KCNK5: variants seen among roughly 807,000 people sequenced by gnomAD.
The protein encoded by KCNK5 is potassium two pore domain channel subfamily K member 5.
Under a neutral mutation model 32.9 loss-of-function variants are expected in KCNK5, and 18 were observed. The ratio of observed to expected loss-of-function variants is 0.55; its 90% confidence interval spans 0.38 to 0.81. The LOEUF (loss-of-function observed/expected upper bound fraction) is 0.81. Among genes scored for constraint, KCNK5 ranks in the 30% least tolerant of loss-of-function variants. The pLI is 0.00. For missense variants in KCNK5, 507 were observed against 651.0 expected (o/e 0.78, Z 2.41); for synonymous variants, 276 against 275.3 (o/e 1.00, Z -0.03).
At position 39,229,435 on chromosome 6, in the gene KCNK5, T is replaced by G; in HGVS notation, c.-324A>C. The G allele has an allele frequency of 3.4e-6, 1 of 290,492 alleles. No individual in the cohort carries two copies. Among genetic ancestry groups the G allele is most frequent in the Non-Finnish European group, 6.6e-6 (1 of 152,502 alleles). The allele number at this position is 290,492 out of a possible 1,614,324, so 18.0% of individuals were successfully genotyped here. On this transcript the variant is annotated 5_prime_UTR_variant, in exon 1 of 5. Coordinates refer to ENST00000359534, the MANE Select transcript of KCNK5 (RefSeq NM_003740.4). Reference sequence around the variant, plus strand: ...GACTCTGGGCAGACACGTGGGCCGCTTCTCCACGCGTCGCTCCTCCGCGCG... The same window carrying G: ...GACTCTGGGCAGACACGTGGGCCGCGTCTCCACGCGTCGCTCCTCCGCGCG...
intron 1 of KCNK5, among the ~76,000 whole-genome samples, chr6:39,227,052 G>A (rs548626857): frequency 6.4e-4 from 97 of 152,110 alleles, no homozygotes; most frequent in African/African-American, 2.2e-3. Context: ...TTAAGAAGCC[G>A]TCTAGCCTCC....
rs1005810417 is a variant in KCNK5, at chr6:39,224,788, C to A, written c.186+4138G>T. Among the ~76,000 whole-genome samples the A allele has an allele frequency of 2.6e-5, 4 of 152,196 alleles. No individual in the cohort carries two copies. The East Asian group carries it at 5.8e-4, about 22-fold the overall frequency. ...TCAGGAGACAAGGGACTCTCTAGAG[C>A]CACAGCAAGAAACCTGCAGTCTGCC... is the stretch of plus-strand genomic sequence containing the variant. On this transcript the variant is annotated intron_variant, in intron 1 of 4. Coordinates refer to ENST00000359534, the MANE Select transcript of KCNK5 (RefSeq NM_003740.4).
In KCNK5 at chr6:39,189,909, C is replaced by T. The variant is rs145386631; in HGVS notation, c.*981G>A. The T allele has an allele frequency of 2.5e-4, 38 of 152,648 alleles. 1 individual carries two copies. Among genetic ancestry groups the T allele is most frequent in the Middle Eastern group, 3.3e-3 (1 of 300 alleles). The allele number at this position is 152,648 out of a possible 1,614,324, so 9.5% of individuals were successfully genotyped here. A position where few individuals can be genotyped will look rare whatever the true frequency, so the allele number is the denominator to read the frequency against. Reference sequence around the variant, plus strand: ...CAAGGGGGCTGGTGGGAGGGGAAGGCGGGCAGTGAGGTCCTTGTTCAGGGC... The same window carrying T: ...CAAGGGGGCTGGTGGGAGGGGAAGGTGGGCAGTGAGGTCCTTGTTCAGGGC... On this transcript the variant is annotated 3_prime_UTR_variant, in exon 5 of 5. Coordinates refer to ENST00000359534, the MANE Select transcript of KCNK5 (RefSeq NM_003740.4).
chr6:39,211,495 G>C (rs11970295), intron 1 of KCNK5, among the ~76,000 whole-genome samples: 6,347 of 152,234 alleles, frequency 0.042, 305 homozygotes, highest in African/African-American at 0.12. Flanking sequence ...GCAGAGGGAG[G>C]CCAGATGTGG....
intron 1 of KCNK5, among the ~76,000 whole-genome samples, chr6:39,223,818 G>T (rs547866328): frequency 1.3e-5 from 2 of 152,126 alleles, no homozygotes; most frequent in Admixed American, 1.3e-4. Flanking sequence ...CCAAAACCGG[G>T]GGATTTTGTT....
chr6:39,196,084 G>T (rs1023146497), intron 1 of KCNK5, 97 bp from the exon 2 acceptor site: 2 of 737,890 alleles, frequency 2.7e-6, no homozygotes, highest in Non-Finnish European at 4.3e-6. Flanking sequence ...TTTTCATTTA[G>T]TCATCACAAG....
In KCNK5 at chr6:39,191,869, G is replaced by A; in HGVS notation, c.635-114C>T. On this transcript the variant is annotated intron_variant, in intron 4 of 4. Transcript: ENST00000359534. The surrounding 1 kb of genome is among the most constrained non-coding windows in gnomAD (Gnocchi z 5.8). ...TCAGGCCAGAGCACAGGACGGGGGT[G>A]CAGTGGGATAGAAAGGGGCCTGTTC... The A allele has an allele frequency of 8.7e-7, 1 of 1,143,278 alleles. No individual in the cohort carries two copies. Among genetic ancestry groups the A allele is most frequent in the South Asian group, 1.5e-5 (1 of 66,628 alleles). 70.8% of individuals were successfully genotyped at this position (1,143,278 alleles called of 1,614,324 possible).
chr6:39,205,836 T>C (rs1398465921), intron 1 of KCNK5, among the ~76,000 whole-genome samples: 1 of 152,172 alleles, frequency 6.6e-6, no homozygotes, highest in Non-Finnish European at 1.5e-5. Flanking sequence ...CCCAAGCCCC[T>C]GCACTTGGAT....
In KCNK5 at chr6:39,221,277, G is replaced by A. The variant is rs185549317; in HGVS notation, c.186+7649C>T. On this transcript the variant is annotated intron_variant, in intron 1 of 4. Transcript: ENST00000359534. The stretch of plus-strand genomic sequence containing the variant: ...ACAGCCTGTGGCCCCCACAGCCTGT[G>A]GCCAAGTAAGTGCTTGTAACTATTG... Among the ~76,000 whole-genome samples the A allele has an allele frequency of 4.6e-4, 70 of 152,258 alleles. 1 individual carries two copies. Among genetic ancestry groups the A allele is most frequent in the Admixed American group, 2.7e-3 (41 of 15,298 alleles).
Position 39,189,482 on chromosome 6 carries a change from G to A in KCNK5, c.*1408C>T, listed in dbSNP as rs948882501. On this transcript the variant is annotated 3_prime_UTR_variant, in exon 5 of 5. Coordinates refer to ENST00000359534, the MANE Select transcript of KCNK5 (RefSeq NM_003740.4). ...AGACACTAGATCTCCCAATCCTTGG[G>A]ACCCTGCTCTTTAACCACTGGCTCT... 5 of 152,552 alleles carry A rather than the reference G, an allele frequency of 3.3e-5. No individual in the cohort carries two copies. Among genetic ancestry groups the A allele is most frequent in the African/African-American group, 1.2e-4 (5 of 41,406 alleles). The allele number at this position is 152,552 out of a possible 1,614,324, so 9.4% of individuals were successfully genotyped here.
At chr6:39,204,393 A>C (rs1232799382) in intron 1 of KCNK5, among the ~76,000 whole-genome samples, 1 of 152,250 alleles carries the variant, frequency 6.6e-6, no homozygotes, top group Non-Finnish European at 1.5e-5. Flanking sequence ...AGGAGGTTGG[A>C]CTATGACTAC....
intron 1 of KCNK5, among the ~76,000 whole-genome samples, chr6:39,211,607 A>T (rs1033564962): frequency 6.6e-6 from 1 of 152,216 alleles, no homozygotes; most frequent in African/African-American, 2.4e-5. Flanking sequence ...CTGGCTACGG[A>T]GCACTAGAAA....
chr6:39,198,404 G>A (rs1165369217), intron 1 of KCNK5, among the ~76,000 whole-genome samples: 1 of 152,220 alleles, frequency 6.6e-6, no homozygotes, highest in Non-Finnish European at 1.5e-5. Context: ...TGCAGTGGAT[G>A]CAAAATTGGG....
intron 1 of KCNK5, among the ~76,000 whole-genome samples, chr6:39,226,358 C>T (rs1771670571): frequency 6.6e-6 from 1 of 152,206 alleles, no homozygotes. Flanking sequence ...GCCTGCACCT[C>T]ACTTCAACCA....
Position 39,194,112 on chromosome 6 carries a change from G to T in KCNK5, c.634+57C>A. On this transcript the variant is annotated intron_variant, in intron 4 of 4. Transcript: ENST00000359534. This position sits in a 1 kb window ranked among gnomAD's most constrained non-coding sequence, Gnocchi z 4.7. ...CCTAGGGCACCCCCAACATAGGTCTGTTGCACTGAAACCAAAGAAGCAGAA... is the reference window on the plus strand; with the variant it reads ...CCTAGGGCACCCCCAACATAGGTCTTTTGCACTGAAACCAAAGAAGCAGAA... 6.3e-7 allele frequency: 1 copy of T among 1,596,570 alleles called. No individual in the cohort carries two copies. The highest frequency in any genetic ancestry group is 8.6e-7 in the Non-Finnish European group (1 of 1,164,472).
Position 39,194,503 on chromosome 6 carries a change from A to C in KCNK5, c.465+91T>G. 6.7e-7 allele frequency: 1 copy of C among 1,492,008 alleles called. No individual in the cohort carries two copies. The highest frequency in any genetic ancestry group is 9.1e-7 in the Non-Finnish European group (1 of 1,094,286). The allele number at this position is 1,492,008 out of a possible 1,614,324, so 92.4% of individuals were successfully genotyped here. On this transcript the variant is annotated intron_variant, in intron 3 of 4. Coordinates refer to ENST00000359534, the MANE Select transcript of KCNK5 (RefSeq NM_003740.4). This position sits in a 1 kb window ranked among gnomAD's most constrained non-coding sequence, Gnocchi z 4.7. ...CTATCCTCTTGCCATCTGTCCTTAC[A>C]CCCTTGGTCCAATTCCTAGAGGCCT...
chr6:39,223,033 G>GT lies in KCNK5; in HGVS notation c.186+5892dup, dbSNP rs1419526396. On this transcript the variant is annotated intron_variant, in intron 1 of 4. Transcript: ENST00000359534. Reference sequence around the variant, plus strand: ...AAAATGGTAAATTATATGTTTCTGTGTTTTTTGCGTTTAAAAAATTCAGTT... The same window carrying GT: ...AAAATGGTAAATTATATGTTTCTGTGTTTTTTTGCGTTTAAAAAATTCAGTT... 3.3e-5 allele frequency among the ~76,000 whole-genome samples: 5 copies of GT among 152,288 alleles called. No individual in the cohort carries two copies. The South Asian group carries it at 6.2e-4, about 19-fold the overall frequency.
At chr6:39,206,289 G>A (rs1771224341) in intron 1 of KCNK5, among the ~76,000 whole-genome samples, 2 of 152,232 alleles carry the variant, frequency 1.3e-5, no homozygotes, top group Admixed American at 1.3e-4. Context: ...ATAAAGGGCT[G>A]TGCTGTGCGG....
chr6:39,216,837 T>G (rs1415499421), intron 1 of KCNK5, among the ~76,000 whole-genome samples: 1 of 152,010 alleles, frequency 6.6e-6, no homozygotes, highest in Admixed American at 6.6e-5. Context: ...TGAAACTCAC[T>G]GCCGGGCGCG....
Sources: gnomAD v4.1 joint callset for allele counts (sites outside exome capture counted in the v4.1 genomes callset) on GRCh38, gnomAD v4.1.1 for gene constraint, Gnocchi (gnomAD v3.1) non-coding constraint, MANE v1.5 for transcripts, NCBI Gene and HGNC (gene_info 2026-07-23, HGNC 2026-07-21) for gene names.